CLEC4C: variants seen among roughly 807,000 people sequenced by gnomAD.
CLEC4C encodes C-type (calcium dependent, carbohydrate-recognition domain) lectin, superfamily member 11.
A neutral mutation model predicts 27.7 loss-of-function variants in CLEC4C; 17 were observed. The ratio of observed to expected loss-of-function variants is 0.61; its 90% CI spans 0.42 to 0.92. The LOEUF (loss-of-function observed/expected upper bound fraction) is 0.92. CLEC4C is among the 40% of genes least tolerant of loss of function. The pLI, the probability that CLEC4C is intolerant of heterozygous loss-of-function variation, is 0.00. For synonymous variants in CLEC4C, 80 were observed against 80.8 expected (o/e 0.99, Z 0.06); for missense variants, 244 against 257.3 (o/e 0.95, Z 0.35).
intron 4 of CLEC4C, among the ~76,000 whole-genome samples, chr12:7,734,105 C>T (rs1864664257): frequency 6.6e-6 from 1 of 152,138 alleles, no homozygotes. Flanking sequence ...CATAGGTTTT[C>T]AGATTATTTT....
At chr12:7,730,643 A>T in intron 5 of CLEC4C, 154 bp downstream of exon 5, 1 of 361,448 alleles carries the variant, frequency 2.8e-6, no homozygotes, top group Non-Finnish European at 5.1e-6. Flanking sequence ...CTTGTCTAAA[A>T]AAAAAAAAAA....
chr12:7,746,373 AT>A lies in CLEC4C; in HGVS notation c.81del (p.Ser28ProfsTer11). 1 of 1,613,996 alleles carries A rather than the reference AT, an allele frequency of 6.2e-7. No homozygotes were observed. The highest frequency in any genetic ancestry group is 8.5e-7 in the Non-Finnish European group (1 of 1,179,904). ...FQLKVWSMAV[V>X]SILLLSVCFT... ...AAACAGACACTGAGGAGCAAGATGGATACGACTGCCATGGACCAGACCTTCA... is the reference window on the plus strand; with the variant it reads ...AAACAGACACTGAGGAGCAAGATGGAACGACTGCCATGGACCAGACCTTCA... On this transcript the variant is annotated frameshift_variant, in exon 2 of 6. Transcript: ENST00000360345. LOFTEE classifies it high-confidence loss of function.
upstream of CLEC4C, chr12:7,749,435 A>C (rs1488408993): frequency 6.6e-6 from 1 of 151,832 alleles, no homozygotes; most frequent in African/African-American, 2.4e-5. Context: ...CACGTCTGTA[A>C]TTTCGGCTAC....
At chr12:7,747,632 CT>C (rs201227947), upstream of CLEC4C, 1,207 of 88,348 alleles carry the variant, frequency 0.014, 1 homozygote, top group South Asian at 0.047. Flanking sequence ...GTCTGATTGT[CT>C]TTTTTTTTTT....
intron 3 of CLEC4C, among the ~76,000 whole-genome samples, chr12:7,740,809 T>C (rs1448390914): frequency 6.6e-6 from 1 of 151,656 alleles, no homozygotes; most frequent in African/African-American, 2.4e-5. Context: ...GAGACAGTTC[T>C]GAGGACCCCT....
At chr12:7,735,521 A>C (rs1245785872) in intron 4 of CLEC4C, among the ~76,000 whole-genome samples, 1 of 144,988 alleles carries the variant, frequency 6.9e-6, no homozygotes, top group Non-Finnish European at 1.5e-5. Flanking sequence ...AAAAAAAAAA[A>C]AACGGCCAGG....
intron 2 of CLEC4C, among the ~76,000 whole-genome samples, chr12:7,743,395 C>CT (rs1864903024): frequency 8.9e-6 from 1 of 112,962 alleles, no homozygotes; most frequent in African/African-American, 3.4e-5. Flanking sequence ...TTTTTTTTTT[C>CT]TTTTTTTGAG....
At chr12:7,737,922 T>C (rs1864765859) in intron 3 of CLEC4C, among the ~76,000 whole-genome samples, 1 of 152,130 alleles carries the variant, frequency 6.6e-6, no homozygotes. Flanking sequence ...TAAAATGCCA[T>C]TTACAAAACT....
At position 7,739,445 on chromosome 12, in the gene CLEC4C, T is replaced by G. The variant is rs781651637; in HGVS notation, c.236-1871A>C. 7.6e-3 allele frequency among the ~76,000 whole-genome samples: 1,130 copies of G among 149,294 alleles called. 9 individuals are homozygous for G. Among genetic ancestry groups the G allele is most frequent in the African/African-American group, 0.026 (1,074 of 40,896 alleles). ...CTTGAAATAATTGTTTGATGCCCTT[T>G]GGGTCCATATTTCCTTCCTGCAAAG... On this transcript the variant is annotated intron_variant, in intron 3 of 5. Transcript: ENST00000360345.
In CLEC4C at chr12:7,747,351, TG is replaced by T; in HGVS notation, c.-4del. On this transcript the variant is annotated 5_prime_UTR_variant, in exon 1 of 6. Transcript: ENST00000360345. ...TGAGGCTCTTCTTCAGGCACCATTGTGTGTGCGCACACCCTTTGGACTTCCT... is the reference window on the plus strand; with the variant it reads ...TGAGGCTCTTCTTCAGGCACCATTGTTGTGCGCACACCCTTTGGACTTCCT... The T allele has an allele frequency of 6.2e-7, 1 of 1,614,076 alleles. No homozygotes were observed. Among genetic ancestry groups the T allele is most frequent in the East Asian group, 2.2e-5 (1 of 44,866 alleles).
upstream of CLEC4C, among the ~76,000 whole-genome samples, chr12:7,748,016 C>T (rs1240081938): frequency 6.6e-6 from 1 of 151,894 alleles, no homozygotes; most frequent in African/African-American, 2.4e-5. Flanking sequence ...ATACAGCCTC[C>T]CAAAGTCCTG....
chr12:7,729,563 A>T lies in CLEC4C; in HGVS notation c.*33T>A. 1 of 1,603,160 alleles carries T rather than the reference A, an allele frequency of 6.2e-7. No homozygotes were observed. Among genetic ancestry groups the T allele is most frequent in the Non-Finnish European group, 8.5e-7 (1 of 1,173,118 alleles). ...TTAGCTTTCTACAACGGTGGATGCC[A>T]ACCCAAACACATTTCCAGGGAGAAT... is the stretch of plus-strand genomic sequence containing the variant. On this transcript the variant is annotated 3_prime_UTR_variant, in exon 6 of 6. Coordinates refer to ENST00000360345, the MANE Select transcript of CLEC4C (RefSeq NM_001371390.1).
intron 2 of CLEC4C, among the ~76,000 whole-genome samples, chr12:7,743,316 C>G (rs897555062): frequency 6.6e-6 from 1 of 151,924 alleles, no homozygotes; most frequent in African/African-American, 2.4e-5. Context: ...TAAAAACGGT[C>G]TCTTTTGTTC....
Position 7,729,620 on chromosome 12 carries a change from G to T in CLEC4C, c.618C>A (p.Cys206Ter). The T allele has an allele frequency of 6.2e-7, 1 of 1,613,348 alleles. No homozygotes were observed. Among genetic ancestry groups the T allele is most frequent in the Non-Finnish European group, 8.5e-7 (1 of 1,179,714 alleles). Residue 206 changes from cysteine to a stop codon, truncating the protein, a stop_gained, in exon 6 of 6, where the codon TGC becomes TGA. Coordinates refer to ENST00000360345, the MANE Select transcript of CLEC4C (RefSeq NM_001371390.1). LOFTEE classifies it high-confidence loss of function. The stretch of plus-strand genomic sequence containing the variant: ...TTTATATGTAGATCTTCTTCATCTT[G>T]CAAATTGACTTCTGAGGTACATGAC... ...IHCHVPQKSI[C>*]KMKKIYI is the part of the protein sequence containing the mutation.
At chr12:7,744,041 T>G (rs906422866) in intron 2 of CLEC4C, among the ~76,000 whole-genome samples, 1 of 152,068 alleles carries the variant, frequency 6.6e-6, no homozygotes, top group African/African-American at 2.4e-5. Flanking sequence ...TCACCCCAAC[T>G]CAGAGCAAGA....
chr12:7,740,578 G>T (rs765698877), intron 3 of CLEC4C, among the ~76,000 whole-genome samples: 1 of 151,782 alleles, frequency 6.6e-6, no homozygotes, highest in Non-Finnish European at 1.5e-5. Context: ...GCGTGTGCCT[G>T]TAGTCCCAGT....
Position 7,741,333 on chromosome 12 carries a change from G to A in CLEC4C, c.235+88C>T. On this transcript the variant is annotated intron_variant, in intron 3 of 5. Coordinates refer to ENST00000360345, the MANE Select transcript of CLEC4C (RefSeq NM_001371390.1). ...CAGTAGGAAAAACCAGGCTGCAGTT[G>A]ATAATTTTAGTGCTGAAGATATAAA... is the stretch of plus-strand genomic sequence containing the variant. The A allele has an allele frequency of 3.9e-6, 3 of 769,522 alleles. No homozygotes were observed. The South Asian group carries it at 4.5e-5, about 12-fold the overall frequency. The allele number at this position is 769,522 out of a possible 1,614,324, so 47.7% of individuals were successfully genotyped here.
At chr12:7,739,194 C>A (rs1864797505) in intron 3 of CLEC4C, among the ~76,000 whole-genome samples, 1 of 151,236 alleles carries the variant, frequency 6.6e-6, no homozygotes, top group Non-Finnish European at 1.5e-5. Flanking sequence ...CTCACTGCAA[C>A]CTTCGCCTCC....
In CLEC4C at chr12:7,729,725, A is replaced by G; in HGVS notation, c.513T>C (p.Gly171=). 4 of 1,613,990 alleles carry G rather than the reference A, an allele frequency of 2.5e-6. No homozygotes were observed. The highest frequency in any genetic ancestry group is 3.4e-6 in the Non-Finnish European group (4 of 1,179,946). ...YNENVTFWHS[G]EPNNLDERCA... ...AACGCTCATCAAGGTTATTGGGTTCACCTGAGTGCCAGAATCTGAAAGGTA... is the reference window on the plus strand; with the variant it reads ...AACGCTCATCAAGGTTATTGGGTTCGCCTGAGTGCCAGAATCTGAAAGGTA... The change falls in exon 6 of 6, where the codon GGT becomes GGC. Residue 171 remains glycine, a synonymous_variant. Coordinates refer to ENST00000360345, the MANE Select transcript of CLEC4C (RefSeq NM_001371390.1).
Sources: gnomAD v4.1 joint callset for allele counts (sites outside exome capture counted in the v4.1 genomes callset) on GRCh38, gnomAD v4.1.1 for gene constraint, MANE v1.5 for transcripts, NCBI Gene and HGNC (gene_info 2026-07-23, HGNC 2026-07-21) for gene names.